The following TNIP3 variants were observed in gnomAD, a reference collection of about 807,000 sequenced individuals.
The protein encoded by TNIP3 is TNFAIP3 interacting protein 3.
In TNIP3, 34 loss-of-function variants were observed where a neutral mutation model predicts 54.1. That is an observed-to-expected ratio of 0.63 (90% CI 0.48 to 0.84). The LOEUF is 0.84. Ranked by LOEUF, TNIP3 falls within the 40% of genes least tolerant of loss-of-function variation. The pLI is 0.00. For synonymous variants in TNIP3, 134 were observed against 136.8 expected, an observed-to-expected ratio of 0.98 and a Z score of 0.14; for missense variants, 366 against 387.6, an observed-to-expected ratio of 0.94 and a Z score of 0.47.
chr4:121,134,785 T>G (rs1345251916), intron 10 of TNIP3, among the ~76,000 whole-genome samples: 1 of 152,150 alleles, frequency 6.6e-6, no homozygotes, highest in Non-Finnish European at 1.5e-5. Context: ...CCCCATCTTA[T>G]AGAGGACTCT....
intron 3 of TNIP3, among the ~76,000 whole-genome samples, chr4:121,181,394 A>G (rs1304610090): frequency 2.6e-5 from 4 of 152,212 alleles, no homozygotes; most frequent in African/African-American, 9.7e-5. Context: ...TGGGATGAGA[A>G]GAGCAGAAGA....
chr4:121,139,285 A>G (rs1560635321), intron 9 of TNIP3, among the ~76,000 whole-genome samples: 2 of 152,156 alleles, frequency 1.3e-5, no homozygotes, highest in Non-Finnish European at 2.9e-5. Context: ...TTCTCTTGGG[A>G]TTTTCTCCTA....
intron 8 of TNIP3, 111 bp downstream of exon 8, chr4:121,142,615 C>A: frequency 1.1e-6 from 1 of 947,600 alleles, no homozygotes; most frequent in Non-Finnish European, 1.7e-6. Flanking sequence ...TAATGAAAAG[C>A]ATGGGTTGTT....
At chr4:121,182,663 G>T in intron 3 of TNIP3, 1 of 1,533,684 alleles carries the variant, frequency 6.5e-7, no homozygotes, top group Non-Finnish European at 8.7e-7. Context: ...GGAGAAAAAA[G>T]GTGTTTTCTT....
chr4:121,175,527 C>T (rs1177721340), intron 3 of TNIP3, among the ~76,000 whole-genome samples: 1 of 152,180 alleles, frequency 6.6e-6, no homozygotes, highest in Non-Finnish European at 1.5e-5. Flanking sequence ...CTGCTGTGTT[C>T]ACTAAGGCAG....
intron 1 of TNIP3, among the ~76,000 whole-genome samples, chr4:121,161,957 A>T (rs13133584): frequency 0.28 from 42,580 of 152,032 alleles, 6,703 homozygotes; most frequent in African/African-American, 0.43. Context: ...AAAGGACTGG[A>T]TCCTCTATAA....
intron 10 of TNIP3, among the ~76,000 whole-genome samples, chr4:121,136,857 GAAAAAA>G (rs11338982): frequency 5.1e-5 from 3 of 58,932 alleles, no homozygotes; most frequent in Non-Finnish European, 9.7e-5. Flanking sequence ...GACTGTCTCC[GAAAAAA>G]AAAAAAAAAA....
chr4:121,173,888 C>T (rs1724139904), intron 3 of TNIP3, among the ~76,000 whole-genome samples: 1 of 152,208 alleles, frequency 6.6e-6, no homozygotes, highest in South Asian at 2.1e-4. Context: ...GCCTCGGCCT[C>T]CCAAAGTGCT....
intron 8 of TNIP3, among the ~76,000 whole-genome samples, chr4:121,142,193 T>C (rs1295692029): frequency 6.6e-6 from 1 of 152,170 alleles, no homozygotes; most frequent in Non-Finnish European, 1.5e-5. Context: ...TTTTGAGTTA[T>C]CTTTATTGAG....
At chr4:121,158,805 G>C (rs192764435) in intron 2 of TNIP3, 53 bp from the exon 3 acceptor site, 1 of 1,442,064 alleles carries the variant, frequency 6.9e-7, no homozygotes, top group South Asian at 1.2e-5. Flanking sequence ...CCATTTGGAA[G>C]TTTGGTCAAA....
intron 2 of TNIP3, among the ~76,000 whole-genome samples, chr4:121,183,285 T>C (rs2148827721): frequency 6.6e-6 from 1 of 152,324 alleles, no homozygotes; most frequent in East Asian, 1.9e-4. Flanking sequence ...ATTTTTGCTG[T>C]ATGTCTTCAA....
At chr4:121,168,809 A>C (rs1560664985), upstream of TNIP3, among the ~76,000 whole-genome samples, 1 of 152,184 alleles carries the variant, frequency 6.6e-6, no homozygotes, top group South Asian at 2.1e-4. Context: ...AACTTTTTCA[A>C]AATGAGGACT....
chr4:121,161,988 T>C (rs1730482276), intron 1 of TNIP3, among the ~76,000 whole-genome samples: 1 of 152,234 alleles, frequency 6.6e-6, no homozygotes, highest in African/African-American at 2.4e-5. Flanking sequence ...GTCTTATTAC[T>C]ATCTCATCTC....
At chr4:121,177,180 A>G (rs1273275065) in intron 3 of TNIP3, among the ~76,000 whole-genome samples, 2 of 152,318 alleles carry the variant, frequency 1.3e-5, no homozygotes, top group East Asian at 3.9e-4. Flanking sequence ...AGATTCATAT[A>G]TTATTTTCAT....
chr4:121,182,669 T>C, intron 3 of TNIP3: 3 of 1,533,922 alleles, frequency 2.0e-6, no homozygotes, highest in Non-Finnish European at 2.6e-6. Context: ...AAAAGGTGTT[T>C]TCTTACCTTC....
At chr4:121,133,429 TA>T (rs1728593021) in intron 10 of TNIP3, among the ~76,000 whole-genome samples, 1 of 152,188 alleles carries the variant, frequency 6.6e-6, no homozygotes, top group Non-Finnish European at 1.5e-5. Context: ...GTCACTATGT[TA>T]AAAAGGTATC....
chr4:121,170,623 T>C (rs1731015800), intron 3 of TNIP3, among the ~76,000 whole-genome samples: 1 of 151,914 alleles, frequency 6.6e-6, no homozygotes, highest in South Asian at 2.1e-4. Context: ...AATAAATAAA[T>C]AATATAAATA....
intron 2 of TNIP3, among the ~76,000 whole-genome samples, chr4:121,206,190 AAGAGCAAATTT>A (rs1726180079): frequency 6.6e-6 from 1 of 152,150 alleles, no homozygotes; most frequent in South Asian, 2.1e-4. Context: ...AGACCAAAAG[AAGAGCAAATTT>A]AGACTAGTCT....
chr4:121,168,497 C>T (rs868824571), upstream of TNIP3, among the ~76,000 whole-genome samples: 1 of 149,890 alleles, frequency 6.7e-6, no homozygotes, highest in African/African-American at 2.5e-5. Context: ...ACATGCCCAG[C>T]CTTTTTCTTT....
Sources: gnomAD v4.1 joint callset for allele counts (sites outside exome capture counted in the v4.1 genomes callset) on GRCh38, gnomAD v4.1.1 for gene constraint, MANE v1.5 for transcripts, NCBI Gene and HGNC (gene_info 2026-07-23, HGNC 2026-07-21) for gene names.